Variants in AP3D1 observed in about 807,000 individuals in gnomAD.
AP3D1 encodes the protein AP-3 complex subunit delta-1.
Under a neutral mutation model 147.6 loss-of-function variants are expected in AP3D1, and 51 were observed. The observed-to-expected ratio is 0.35, with a 90% confidence interval of 0.28 to 0.44. The LOEUF is 0.44. Ranked by LOEUF, AP3D1 falls within the 20% of genes least tolerant of loss-of-function variation. The pLI, the probability that AP3D1 is intolerant of heterozygous loss-of-function variation, is 1.00. For synonymous variants in AP3D1, 760 were observed against 663.0 expected, an observed-to-expected ratio of 1.15 and a Z score of -2.25; for missense variants, 1,421 against 1,624.2, an observed-to-expected ratio of 0.87 and a Z score of 2.15.
At chr19:2,142,020 A>ATG (rs892466155) in intron 1 of AP3D1, among the ~76,000 whole-genome samples, 1 of 150,684 alleles carries the variant, frequency 6.6e-6, no homozygotes, top group African/African-American at 2.4e-5. Flanking sequence ...TTATTTATAT[A>ATG]TATATATGTA....
rs1217641925 is a variant in AP3D1 at position 2,113,313 on chromosome 19, C to T, written c.2679+23G>A. 3 of 1,103,286 alleles carry T rather than the reference C, an allele frequency of 2.7e-6. No individual in the cohort carries two copies. In the South Asian group the frequency reaches 4.4e-5, roughly 16 times the overall value. The allele number at this position is 1,103,286 out of a possible 1,614,324, so 68.3% of individuals were successfully genotyped here. On this transcript the variant is annotated intron_variant, in intron 23 of 31. Coordinates refer to ENST00000643116, the MANE Select transcript of AP3D1 (RefSeq NM_001261826.3). ...ACCTCTGCAGACACCGAGGCTGGCA[C>T]TGGCCAGCTGCCAGTCTCTTACCGT...
At chr19:2,137,306 A>G (rs1008651640) in intron 3 of AP3D1, among the ~76,000 whole-genome samples, 1 of 151,540 alleles carries the variant, frequency 6.6e-6, no homozygotes, top group Non-Finnish European at 1.5e-5. Flanking sequence ...AGTTTGGAAT[A>G]TGTATGTGTT....
chr19:2,108,018 C>G (rs2018160555), intron 31 of AP3D1, among the ~76,000 whole-genome samples: 1 of 152,170 alleles, frequency 6.6e-6, no homozygotes, highest in South Asian at 2.1e-4. Context: ...AGCTAAAAGC[C>G]TGCAGAAAAG....
chr19:2,127,098 G>C (rs2018778242), intron 9 of AP3D1, 54 bp downstream of exon 9: 3 of 1,593,288 alleles, frequency 1.9e-6, no homozygotes, highest in Non-Finnish European at 2.6e-6. Context: ...CCCCACCTGA[G>C]ACCCCAGCCT....
At position 2,115,628 on chromosome 19, in the gene AP3D1, C is replaced by T; in HGVS notation, c.2074-15G>A. 3 of 1,608,886 alleles carry T rather than the reference C, an allele frequency of 1.9e-6. No individual in the cohort carries two copies. The highest frequency in any genetic ancestry group is 8.5e-7 in the Non-Finnish European group (1 of 1,177,184). Reference sequence around the variant, plus strand: ...TCCTGGTACCGCTGCAAAGGCAACACCCAGGCGTTACCGGTGCACCGAGGG... The same window carrying T: ...TCCTGGTACCGCTGCAAAGGCAACATCCAGGCGTTACCGGTGCACCGAGGG... On this transcript the variant is annotated splice_polypyrimidine_tract_variant and intron_variant, in intron 18 of 31. Transcript: ENST00000643116.
intron 10 of AP3D1, 104 bp downstream of exon 10, chr19:2,123,726 G>C: frequency 7.2e-7 from 1 of 1,383,752 alleles, no homozygotes; most frequent in South Asian, 1.2e-5. Context: ...AGATGGCGTG[G>C]GGGGACCAGC....
At chr19:2,157,300 G>T (rs1162713881) in intron 1 of AP3D1, among the ~76,000 whole-genome samples, 1 of 151,318 alleles carries the variant, frequency 6.6e-6, no homozygotes, top group Non-Finnish European at 1.5e-5. Flanking sequence ...AAATTAGCCG[G>T]GCGTAGTGGC....
chr19:2,109,969 GT>G lies in AP3D1; in HGVS notation c.3265-12del. 6.2e-7 allele frequency: 1 copy of G among 1,613,456 alleles called. No individual in the cohort carries two copies. The highest frequency in any genetic ancestry group is 8.5e-7 in the Non-Finnish European group (1 of 1,179,816). Reference sequence around the variant, plus strand: ...CGCACCCTCGTCATTCTGCGGTGGAGTGAAGGTGGTGCAGTTGAGAGGGGAG... The same window carrying G: ...CGCACCCTCGTCATTCTGCGGTGGAGGAAGGTGGTGCAGTTGAGAGGGGAG... On this transcript the variant is annotated splice_polypyrimidine_tract_variant and intron_variant, in intron 28 of 31. Coordinates refer to ENST00000643116, the MANE Select transcript of AP3D1 (RefSeq NM_001261826.3).
At chr19:2,116,007 G>A (rs988271756) in intron 18 of AP3D1, among the ~76,000 whole-genome samples, 200 bp downstream of exon 18, 1 of 152,264 alleles carries the variant, frequency 6.6e-6, no homozygotes, top group East Asian at 1.9e-4. Flanking sequence ...GCAGGGAACA[G>A]GGCCCCCCGG....
intron 1 of AP3D1, among the ~76,000 whole-genome samples, chr19:2,146,160 C>T (rs1439749562): frequency 6.6e-6 from 1 of 152,196 alleles, no homozygotes; most frequent in Non-Finnish European, 1.5e-5. Context: ...CGTCAAGGAC[C>T]GAGGACAGCT....
intron 9 of AP3D1, among the ~76,000 whole-genome samples, chr19:2,125,530 G>A (rs1325610071): frequency 6.6e-6 from 1 of 152,138 alleles, no homozygotes; most frequent in African/African-American, 2.4e-5. Context: ...TATTGGCTAG[G>A]CTGGTCTTGA....
chr19:2,121,832 G>T lies in AP3D1; in HGVS notation c.1003C>A (p.Pro335Thr). ...LAMSKILKTH[P>T]KSVQSHKDLI... ...TCCTTGTGGGACTGCACGGACTTGG[G>T]GTGGGTCTTCAGGATCTTGGACATT... The change falls in exon 12 of 32, where the codon CCC (proline) becomes ACC (threonine). Residue 335 changes from proline to threonine, a missense_variant. Pro to Thr is a conservative substitution (Grantham distance 38). Around this residue, in one of 6 missense-constraint regions of AP3D1, gnomAD observed 310 missense variants for 388.1 expected, o/e 0.80. Coordinates refer to ENST00000643116, the MANE Select transcript of AP3D1 (RefSeq NM_001261826.3). 1.2e-6 allele frequency: 2 copies of T among 1,612,204 alleles called. No homozygotes were observed. Among genetic ancestry groups the T allele is most frequent in the Non-Finnish European group, 1.7e-6 (2 of 1,179,336 alleles).
At chr19:2,105,499 G>C (rs548331221) in intron 31 of AP3D1, among the ~76,000 whole-genome samples, 1 of 152,238 alleles carries the variant, frequency 6.6e-6, no homozygotes, top group African/African-American at 2.4e-5. Context: ...CCTTTAATTC[G>C]GCCCATCCAT....
chr19:2,164,277 C>T (rs2144620712), intron 1 of AP3D1: 7 of 1,258,898 alleles, frequency 5.6e-6, no homozygotes, highest in East Asian at 3.1e-5. Flanking sequence ...TGAGTGCCGC[C>T]CTCCACCGTC....
Position 2,138,752 on chromosome 19 carries a change from A to C in AP3D1, c.97-38T>G. On this transcript the variant is annotated intron_variant, in intron 1 of 31. Coordinates refer to ENST00000643116, the MANE Select transcript of AP3D1 (RefSeq NM_001261826.3). Reference sequence around the variant, plus strand: ...ATAAACACAGAGATTACAAACATCCAGCTAAGAGGGCTGGAATAATGATTT... The same window carrying C: ...ATAAACACAGAGATTACAAACATCCCGCTAAGAGGGCTGGAATAATGATTT... 2.1e-6 allele frequency: 3 copies of C among 1,439,022 alleles called. No homozygotes were observed. In the South Asian group the frequency reaches 3.4e-5, roughly 16 times the overall value. 89.1% of individuals were successfully genotyped at this position (1,439,022 alleles called of 1,614,324 possible).
At chr19:2,159,211 A>G (rs1599508015) in intron 1 of AP3D1, among the ~76,000 whole-genome samples, 1 of 143,618 alleles carries the variant, frequency 7.0e-6, no homozygotes, top group East Asian at 2.1e-4. Context: ...GATGGTTTCC[A>G]TCTCTCTCTC....
Position 2,114,258 on chromosome 19 carries a change from T to C in AP3D1, c.2468A>G (p.Asn823Ser), listed in dbSNP as rs1482077217. Residue 823 changes from asparagine to serine, a missense_variant, in exon 22 of 32, where the codon AAC (asparagine) becomes AGC (serine). Transcript: ENST00000643116. ...CTCAGGGGATTTTGAGGTCTCGGTG[T>C]TTCTGTGTTTCTGAATAGGCAGTTT... ...SEKLPIQKHR[N>S]TETSKSPEKD... 6.2e-7 allele frequency: 1 copy of C among 1,612,398 alleles called. No homozygotes were observed. Among genetic ancestry groups the C allele is most frequent in the East Asian group, 2.2e-5 (1 of 44,864 alleles).
chr19:2,137,956 C>T, intron 2 of AP3D1, 149 bp from the exon 3 acceptor site: 4 of 358,142 alleles, frequency 1.1e-5, no homozygotes, highest in Non-Finnish European at 1.1e-5. Flanking sequence ...CCCCTGGGGC[C>T]TTTAATTTCT....
At chr19:2,135,861 G>A (rs1343104667) in intron 4 of AP3D1, among the ~76,000 whole-genome samples, 2 of 152,084 alleles carry the variant, frequency 1.3e-5, no homozygotes, top group African/African-American at 4.8e-5. Flanking sequence ...TGGGTACCTA[G>A]GGCGGCTGGA....
Sources: gnomAD v4.1 joint callset for allele counts (sites outside exome capture counted in the v4.1 genomes callset) on GRCh38, gnomAD v4.1.1 for gene constraint, gnomAD v4.1.1 regional missense constraint, MANE v1.5 for transcripts, NCBI Gene and HGNC (gene_info 2026-07-23, HGNC 2026-07-21) for gene names.